Variants in STK3 observed in about 807,000 individuals in gnomAD.
The protein encoded by STK3 is serine/threonine kinase 3.
Under a neutral mutation model 58.0 loss-of-function variants are expected in STK3, and 41 were observed. That is an observed-to-expected ratio of 0.71 (90% CI 0.55 to 0.92). The LOEUF is 0.92. STK3 is among the 40% of genes least tolerant of loss of function. The pLI is 0.00. For missense variants in STK3, 479 were observed against 602.7 expected, an observed-to-expected ratio of 0.79 and a Z score of 2.15; for synonymous variants, 170 against 191.0, an observed-to-expected ratio of 0.89 and a Z score of 0.91.
At chr8:98,850,353 GT>G (rs1166293206) in intron 3 of STK3, among the ~76,000 whole-genome samples, 1 of 152,154 alleles carries the variant, frequency 6.6e-6, no homozygotes, top group African/African-American at 2.4e-5. Context: ...AATGTTTACT[GT>G]GAGTCTCCTC....
chr8:98,588,596 G>T (rs1814912224), intron 7 of STK3, among the ~76,000 whole-genome samples: 1 of 152,096 alleles, frequency 6.6e-6, no homozygotes, highest in Non-Finnish European at 1.5e-5. Flanking sequence ...CTTTCTCGAG[G>T]AGTATCTTTA....
intron 1 of STK3, among the ~76,000 whole-genome samples, chr8:98,909,108 C>T (rs1371658976): frequency 6.6e-6 from 1 of 152,304 alleles, no homozygotes; most frequent in East Asian, 1.9e-4. Flanking sequence ...CTGCAGTGAG[C>T]TGAGATCACG....
At chr8:98,610,641 G>A (rs912706944) in intron 6 of STK3, among the ~76,000 whole-genome samples, 3 of 152,150 alleles carry the variant, frequency 2.0e-5, no homozygotes, top group African/African-American at 4.8e-5. Flanking sequence ...GAAAAGCAGG[G>A]AAGATGCCCG....
intron 1 of STK3, among the ~76,000 whole-genome samples, chr8:98,890,195 G>A (rs1838143419): frequency 6.6e-6 from 1 of 152,196 alleles, no homozygotes; most frequent in African/African-American, 2.4e-5. Flanking sequence ...GGCCCTTGCT[G>A]GAGTAAAATG....
At chr8:98,456,879 G>A (rs1586604000) in intron 10 of STK3, among the ~76,000 whole-genome samples, 1 of 152,082 alleles carries the variant, frequency 6.6e-6, no homozygotes, top group Admixed American at 6.5e-5. Context: ...CCTTTTACTC[G>A]CCATCCCTGG....
intron 10 of STK3, among the ~76,000 whole-genome samples, chr8:98,514,543 C>CA (rs773162253): frequency 0.053 from 7,319 of 137,494 alleles, 219 homozygotes; most frequent in African/African-American, 0.079. Context: ...TACCTCCCCA[C>CA]AAAAAAAAAA....
chr8:98,422,199 C>G (rs1397727983), intron 3 of STK3, among the ~76,000 whole-genome samples: 1 of 152,190 alleles, frequency 6.6e-6, no homozygotes, highest in Non-Finnish European at 1.5e-5. Flanking sequence ...AATGCAAAAG[C>G]CATATAAACA....
intron 6 of STK3, among the ~76,000 whole-genome samples, chr8:98,614,726 C>A (rs1316888427): frequency 6.6e-6 from 1 of 152,244 alleles, no homozygotes. Context: ...GGGTCACTCT[C>A]ACCCGAATAC....
chr8:98,782,523 G>A (rs1441503584), intron 1 of STK3: 11 of 316,072 alleles, frequency 3.5e-5, no homozygotes, highest in African/African-American at 1.8e-4. Context: ...GCAGAGGCCT[G>A]CTGGTCTAAG....
At chr8:98,461,571 T>C (rs1819981268) in intron 10 of STK3, among the ~76,000 whole-genome samples, 2 of 152,246 alleles carry the variant, frequency 1.3e-5, no homozygotes. Flanking sequence ...GTTATTGTAT[T>C]ACAGGCCTTG....
chr8:98,614,366 A>G (rs1400057267), intron 6 of STK3, among the ~76,000 whole-genome samples: 1 of 151,880 alleles, frequency 6.6e-6, no homozygotes, highest in African/African-American at 2.4e-5. Context: ...AATAACAGAG[A>G]CATAATAGGA....
chr8:98,615,326 A>G (rs1266291703), intron 6 of STK3, among the ~76,000 whole-genome samples: 1 of 145,590 alleles, frequency 6.9e-6, no homozygotes, highest in Non-Finnish European at 1.5e-5. Flanking sequence ...ACCATCATCA[A>G]AGACCAAAAG....
At chr8:98,384,946 T>C (rs953700480) in intron 1 of STK3, among the ~76,000 whole-genome samples, 1 of 152,180 alleles carries the variant, frequency 6.6e-6, no homozygotes, top group African/African-American at 2.4e-5. Flanking sequence ...ATTTGGAAAT[T>C]AGCTGAGTCC....
chr8:98,793,773 G>A (rs1213844352), intron 1 of STK3, among the ~76,000 whole-genome samples: 1 of 151,560 alleles, frequency 6.6e-6, no homozygotes, highest in Admixed American at 6.6e-5. Flanking sequence ...AAGATACTAC[G>A]AGATCAACCA....
chr8:98,665,713 T>TC, intron 6 of STK3, among the ~76,000 whole-genome samples: 1 of 150,058 alleles, frequency 6.7e-6, no homozygotes, highest in South Asian at 2.1e-4. Context: ...CCTGATTTTT[T>TC]TTTTTTTTGA....
chr8:98,358,712 G>C, the STK3 span, among the ~76,000 whole-genome samples: 3 of 152,136 alleles, frequency 2.0e-5, no homozygotes, highest in African/African-American at 7.2e-5. Flanking sequence ...GGGAATGAGG[G>C]GGGAGTGACA....
At chr8:98,350,958 A>C in the STK3 span, among the ~76,000 whole-genome samples, 1 of 152,226 alleles carries the variant, frequency 6.6e-6, no homozygotes. Flanking sequence ...AAATACTTTG[A>C]GCATCTAGAA....
At chr8:98,379,886 G>A (rs1305961345) in intron 1 of STK3, among the ~76,000 whole-genome samples, 1 of 152,044 alleles carries the variant, frequency 6.6e-6, no homozygotes, top group East Asian at 1.9e-4. Flanking sequence ...GCAAAGATAT[G>A]GAAACAACAC....
At chr8:98,940,605 C>T (rs1299380390) in intron 1 of STK3, among the ~76,000 whole-genome samples, 1 of 152,184 alleles carries the variant, frequency 6.6e-6, no homozygotes, top group Non-Finnish European at 1.5e-5. Flanking sequence ...CGGGAAGGCC[C>T]CCGCGCCATC....
Sources: allele counts gnomAD v4.1 joint callset (sites outside exome capture counted in the v4.1 genomes callset), GRCh38; gene constraint gnomAD v4.1.1; transcripts MANE v1.5; gene names NCBI Gene and HGNC (gene_info 2026-07-23, HGNC 2026-07-21).